ST6GALNAC3: variants seen among roughly 807,000 people sequenced by gnomAD.
The protein encoded by ST6GALNAC3 is ST6 N-acetylgalactosaminide alpha-2,6-sialyltransferase 3.
Under a neutral mutation model 32.7 loss-of-function variants are expected in ST6GALNAC3, and 25 were observed. The ratio of observed to expected loss-of-function variants is 0.76; its 90% CI spans 0.56 to 1.07. The LOEUF is 1.07. Ranked by LOEUF, ST6GALNAC3 falls within the 50% of genes least tolerant of loss-of-function variation. The pLI is 0.00. For missense variants in ST6GALNAC3, 355 were observed against 382.4 expected (o/e 0.93, Z 0.60); for synonymous variants, 129 against 133.1 (o/e 0.97, Z 0.21).
At chr1:76,453,854 C>T (rs1345959400) in intron 3 of ST6GALNAC3, among the ~76,000 whole-genome samples, 1 of 152,018 alleles carries the variant, frequency 6.6e-6, no homozygotes, top group African/African-American at 2.4e-5. Context: ...TCTTGATGAC[C>T]TGTCTAGTGC....
intron 1 of ST6GALNAC3, among the ~76,000 whole-genome samples, chr1:76,099,611 T>TATC (rs1647185508): frequency 6.6e-6 from 1 of 152,138 alleles, no homozygotes; most frequent in Non-Finnish European, 1.5e-5. Context: ...TATATGACGT[T>TATC]TATAAAAGCC....
intron 2 of ST6GALNAC3, among the ~76,000 whole-genome samples, chr1:76,330,555 G>A (rs1647170875): frequency 6.6e-6 from 1 of 152,178 alleles, no homozygotes; most frequent in African/African-American, 2.4e-5. Flanking sequence ...CATTATCTTA[G>A]CCAACCGTTC....
rs568242822 is a variant in ST6GALNAC3, at chr1:76,366,261, C to A, written c.214-45747C>A. 9.8e-4 allele frequency among the ~76,000 whole-genome samples: 149 copies of A among 152,212 alleles called. 1 individual carries two copies. Among genetic ancestry groups the A allele is most frequent in the Non-Finnish European group, 1.3e-3 (86 of 67,994 alleles). ...ACAGTTAGCAACTCTGAATTCAAGC[C>A]TATGATCTTCTTTTAGAAACCTGAT... On this transcript the variant is annotated intron_variant, in intron 2 of 4. Transcript: ENST00000328299.
intron 3 of ST6GALNAC3, among the ~76,000 whole-genome samples, chr1:76,611,945 T>G (rs1338799100): frequency 6.6e-6 from 1 of 152,174 alleles, no homozygotes; most frequent in Non-Finnish European, 1.5e-5. Context: ...TGATTTTGTG[T>G]CTAACCCAGC....
intron 1 of ST6GALNAC3, among the ~76,000 whole-genome samples, chr1:76,186,101 T>C (rs1013104154): frequency 1.3e-5 from 2 of 152,076 alleles, no homozygotes; most frequent in Admixed American, 6.5e-5. Flanking sequence ...TATACCCAGT[T>C]CTCCTTCATG....
chr1:76,221,475 C>T (rs1306332408), intron 1 of ST6GALNAC3, among the ~76,000 whole-genome samples: 1 of 152,046 alleles, frequency 6.6e-6, no homozygotes, highest in African/African-American at 2.4e-5. Flanking sequence ...CCGTAAAATA[C>T]CGTGGAAAAT....
intron 1 of ST6GALNAC3, among the ~76,000 whole-genome samples, chr1:76,291,482 C>T (rs1276466813): frequency 6.6e-6 from 1 of 152,230 alleles, no homozygotes; most frequent in Non-Finnish European, 1.5e-5. Context: ...TTGGAAATCG[C>T]ATCCAAGTAT....
Position 76,586,645 on chromosome 1 carries a change from A to G in ST6GALNAC3, c.624-40807A>G, listed in dbSNP as rs1646966524. On this transcript the variant is annotated intron_variant, in intron 3 of 4. Transcript: ENST00000328299. ...ATTTATGTAAGCCTGGTGCAGTTTCATTAAGAACCAAAGGCATTTTAATTT... is the reference window on the plus strand; with the variant it reads ...ATTTATGTAAGCCTGGTGCAGTTTCGTTAAGAACCAAAGGCATTTTAATTT... Among the ~76,000 whole-genome samples the G allele has an allele frequency of 2.0e-5, 3 of 152,356 alleles. No homozygotes were observed. In the South Asian group the frequency reaches 6.2e-4, roughly 32 times the overall value.
At chr1:76,225,214 T>A (rs1455893530) in intron 1 of ST6GALNAC3, among the ~76,000 whole-genome samples, 10 of 152,190 alleles carry the variant, frequency 6.6e-5, no homozygotes. Flanking sequence ...TCTAAATTTC[T>A]AGAAATGAGA....
intron 1 of ST6GALNAC3, among the ~76,000 whole-genome samples, chr1:76,261,169 G>C (rs1658212470): frequency 6.6e-6 from 1 of 152,012 alleles, no homozygotes; most frequent in Non-Finnish European, 1.5e-5. Flanking sequence ...ACTTGAATGT[G>C]TTCTTCCTAT....
intron 3 of ST6GALNAC3, among the ~76,000 whole-genome samples, chr1:76,483,328 T>G (rs1026626626): frequency 6.6e-6 from 1 of 152,198 alleles, no homozygotes; most frequent in African/African-American, 2.4e-5. Flanking sequence ...TGAACTAGTT[T>G]ACAGTCCCAC....
Position 76,302,969 on chromosome 1 carries a change from C to T in ST6GALNAC3, c.19-10836C>T, listed in dbSNP as rs562704164. On this transcript the variant is annotated intron_variant, in intron 1 of 4. Coordinates refer to ENST00000328299, the MANE Select transcript of ST6GALNAC3 (RefSeq NM_152996.4). ...AGAATCTTCTCAGGTCCAAATACCC[C>T]CTAGAGGTTTCCCATTAGCCTGATG... Among the ~76,000 whole-genome samples, 257 of 152,044 alleles carry T rather than the reference C, an allele frequency of 1.7e-3. 1 individual carries two copies. Among genetic ancestry groups the T allele is most frequent in the African/African-American group, 6.0e-3 (248 of 41,494 alleles).
intron 1 of ST6GALNAC3, among the ~76,000 whole-genome samples, chr1:76,094,078 A>G (rs778136604): frequency 6.6e-6 from 1 of 152,206 alleles, no homozygotes; most frequent in African/African-American, 2.4e-5. Flanking sequence ...CAGTCACTGC[A>G]GGGCAACTGA....
At chr1:76,429,200 T>C (rs1655589485) in intron 3 of ST6GALNAC3, among the ~76,000 whole-genome samples, 1 of 152,106 alleles carries the variant, frequency 6.6e-6, no homozygotes, top group African/African-American at 2.4e-5. Context: ...AGAGGTTTGA[T>C]TGATTGATGA....
intron 3 of ST6GALNAC3, among the ~76,000 whole-genome samples, chr1:76,452,337 T>A (rs1020962341): frequency 1.3e-5 from 2 of 152,216 alleles, no homozygotes; most frequent in Non-Finnish European, 2.9e-5. Flanking sequence ...CATGCAAAAC[T>A]GTAAGTTCAT....
At chr1:76,601,343 T>C (rs975984067) in intron 3 of ST6GALNAC3, among the ~76,000 whole-genome samples, 56 of 152,352 alleles carry the variant, frequency 3.7e-4, no homozygotes, top group African/African-American at 1.3e-3. Context: ...TTAAATGAAA[T>C]GAGTAATGTA....
intron 2 of ST6GALNAC3, among the ~76,000 whole-genome samples, chr1:76,383,833 A>T (rs1651900286): frequency 6.6e-6 from 1 of 152,222 alleles, no homozygotes; most frequent in African/African-American, 2.4e-5. Context: ...GGCATACATT[A>T]TATTATATTC....
intron 1 of ST6GALNAC3, among the ~76,000 whole-genome samples, chr1:76,082,440 C>T (rs1236265392): frequency 6.6e-6 from 1 of 152,174 alleles, no homozygotes; most frequent in African/African-American, 2.4e-5. Flanking sequence ...AAAGGGGGTG[C>T]TAAACCCCAA....
At chr1:76,429,516 T>G (rs572579331) in intron 3 of ST6GALNAC3, among the ~76,000 whole-genome samples, 16 of 152,322 alleles carry the variant, frequency 1.1e-4, no homozygotes, top group African/African-American at 3.8e-4. Flanking sequence ...CATTGCACAT[T>G]TAGATAATCA....
Sources: allele counts gnomAD v4.1 joint callset (sites outside exome capture counted in the v4.1 genomes callset), GRCh38; gene constraint gnomAD v4.1.1; transcripts MANE v1.5; gene names NCBI Gene and HGNC (gene_info 2026-07-23, HGNC 2026-07-21).